Variants in IGSF21 observed in about 807,000 individuals in gnomAD.
The protein encoded by IGSF21 is immunoglobulin superfamily member 21.
In IGSF21, 28 loss-of-function variants were observed where a neutral mutation model predicts 46.8. That is an observed-to-expected ratio of 0.60 (90% CI 0.44 to 0.82). IGSF21 has a LOEUF of 0.82. Ranked by LOEUF, IGSF21 falls within the 40% of genes least tolerant of loss-of-function variation. The pLI is 0.00. For missense variants in IGSF21, 624 were observed against 665.5 expected, an observed-to-expected ratio of 0.94 and a Z score of 0.69; for synonymous variants, 284 against 273.6, an observed-to-expected ratio of 1.04 and a Z score of -0.38.
intron 4 of IGSF21, among the ~76,000 whole-genome samples, chr1:18,339,440 A>G (rs2085805508): frequency 6.6e-6 from 1 of 152,164 alleles, no homozygotes; most frequent in Admixed American, 6.5e-5. Flanking sequence ...GTGGCTCAAA[A>G]ACTCCGATGG....
intron 1 of IGSF21, among the ~76,000 whole-genome samples, chr1:18,119,203 A>G (rs980792344): frequency 2.0e-5 from 3 of 151,534 alleles, no homozygotes; most frequent in African/African-American, 7.3e-5. Flanking sequence ...TATTTATTGG[A>G]TGTTTCCTGG....
intron 1 of IGSF21, among the ~76,000 whole-genome samples, chr1:18,202,485 A>T (rs1213211720): frequency 6.6e-6 from 1 of 152,234 alleles, no homozygotes; most frequent in Non-Finnish European, 1.5e-5. Flanking sequence ...ATTGACTCAC[A>T]GTTCCTCATG....
At chr1:18,269,403 CTTG>C (rs1410881942) in intron 2 of IGSF21, among the ~76,000 whole-genome samples, 1 of 152,078 alleles carries the variant, frequency 6.6e-6, no homozygotes, top group Non-Finnish European at 1.5e-5. Flanking sequence ...TTGGGGAGGA[CTTG>C]TTGGAGGAGG....
chr1:18,320,306 C>A (rs1332319904), intron 3 of IGSF21, among the ~76,000 whole-genome samples: 5 of 151,576 alleles, frequency 3.3e-5, no homozygotes, highest in Admixed American at 1.3e-4. Flanking sequence ...CCTGGCCTGA[C>A]CTTCCCCGCC....
rs1278112594 is a variant in IGSF21 at position 18,276,379 on chromosome 1, A to C, written c.184-15487A>C. 2.6e-5 allele frequency among the ~76,000 whole-genome samples: 4 copies of C among 152,146 alleles called. No individual in the cohort carries two copies. In the East Asian group the frequency reaches 7.7e-4, roughly 29 times the overall value. Reference sequence around the variant, plus strand: ...TCCTTCTCCAGGTGGCCTCTCTAGCACCACAATGGGATGTCTTAAGCAGCA... The same window carrying C: ...TCCTTCTCCAGGTGGCCTCTCTAGCCCCACAATGGGATGTCTTAAGCAGCA... On this transcript the variant is annotated intron_variant, in intron 2 of 9. Transcript: ENST00000251296.
At chr1:18,375,222 A>G (rs772816447) in intron 6 of IGSF21, among the ~76,000 whole-genome samples, 1 of 152,202 alleles carries the variant, frequency 6.6e-6, no homozygotes. Context: ...TGGGAGCTCC[A>G]TGTCAGCAGG....
chr1:18,252,021 G>A (rs1026096427), intron 2 of IGSF21, among the ~76,000 whole-genome samples: 2 of 148,262 alleles, frequency 1.3e-5, no homozygotes, highest in South Asian at 4.3e-4. Flanking sequence ...AGGTCAATAG[G>A]CTGGAACACT....
intron 1 of IGSF21, among the ~76,000 whole-genome samples, chr1:18,215,812 C>T (rs957566145): frequency 2.6e-5 from 4 of 152,126 alleles, no homozygotes; most frequent in African/African-American, 9.7e-5. Context: ...AATTTGGATG[C>T]AGGCCAGGAC....
rs765108131 is a variant in IGSF21 at position 18,335,027 on chromosome 1, T to C, written c.424+17T>C. 2.5e-6 allele frequency: 4 copies of C among 1,575,052 alleles called. No individual in the cohort carries two copies. Among genetic ancestry groups the C allele is most frequent in the Non-Finnish European group, 3.5e-6 (4 of 1,144,420 alleles). Reference sequence around the variant, plus strand: ...ACGTCATGGGTGAGTGCAGGGCCACTGGCCCCTGGTGTCTCAGTGAGGAGG... The same window carrying C: ...ACGTCATGGGTGAGTGCAGGGCCACCGGCCCCTGGTGTCTCAGTGAGGAGG... On this transcript the variant is annotated intron_variant, in intron 4 of 9. Transcript: ENST00000251296. The surrounding 1 kb of genome is among the most constrained non-coding windows in gnomAD (Gnocchi z 4.8).
intron 3 of IGSF21, among the ~76,000 whole-genome samples, chr1:18,300,508 A>C (rs915752303): frequency 3.9e-5 from 6 of 152,368 alleles, no homozygotes; most frequent in African/African-American, 9.6e-5. Flanking sequence ...CTAAGAGTCC[A>C]TTCCCTGAGG....
intron 1 of IGSF21, among the ~76,000 whole-genome samples, chr1:18,168,774 A>G (rs957291742): frequency 1.3e-5 from 2 of 152,228 alleles, no homozygotes; most frequent in Non-Finnish European, 2.9e-5. Flanking sequence ...TTGCTCATTT[A>G]TAGCTGGAGA....
intron 1 of IGSF21, among the ~76,000 whole-genome samples, chr1:18,225,809 T>A (rs1474936966): frequency 6.6e-6 from 1 of 152,162 alleles, no homozygotes; most frequent in Admixed American, 6.5e-5. Flanking sequence ...GCTGCAGATG[T>A]ACAGTGTTTG....
chr1:18,297,718 A>G (rs2085325034), intron 3 of IGSF21, among the ~76,000 whole-genome samples: 1 of 152,212 alleles, frequency 6.6e-6, no homozygotes, highest in African/African-American at 2.4e-5. Context: ...CCTTTAAAGC[A>G]TCTCTAGATT....
At chr1:18,241,328 C>T (rs1327732048) in intron 2 of IGSF21, among the ~76,000 whole-genome samples, 1 of 152,236 alleles carries the variant, frequency 6.6e-6, no homozygotes, top group Non-Finnish European at 1.5e-5. Flanking sequence ...GCCTGCCCCT[C>T]GAGGCTCCTC....
chr1:18,173,295 A>G (rs572632211), intron 1 of IGSF21, among the ~76,000 whole-genome samples: 1 of 152,334 alleles, frequency 6.6e-6, no homozygotes, highest in African/African-American at 2.4e-5. Context: ...TCAAAAACAC[A>G]AAACAACAAC....
intron 2 of IGSF21, among the ~76,000 whole-genome samples, chr1:18,269,533 C>T (rs2085023001): frequency 1.3e-5 from 2 of 152,180 alleles, no homozygotes; most frequent in Admixed American, 1.3e-4. Context: ...CCCAGAAGTT[C>T]TCTAAAGTCC....
chr1:18,189,329 T>A (rs1349260377), intron 1 of IGSF21, among the ~76,000 whole-genome samples: 1 of 152,210 alleles, frequency 6.6e-6, no homozygotes, highest in Non-Finnish European at 1.5e-5. Context: ...TTAGTAATCA[T>A]GTGAGCTGGA....
At chr1:18,270,839 C>T (rs917751127) in intron 2 of IGSF21, among the ~76,000 whole-genome samples, 1 of 152,222 alleles carries the variant, frequency 6.6e-6, no homozygotes, top group East Asian at 1.9e-4. Flanking sequence ...ACTCTCCTCC[C>T]TACGAGCCAG....
intron 2 of IGSF21, among the ~76,000 whole-genome samples, chr1:18,244,322 T>C (rs1380549506): frequency 6.6e-6 from 1 of 152,214 alleles, no homozygotes; most frequent in African/African-American, 2.4e-5. Flanking sequence ...AGAGCTGACT[T>C]TGGAATTCAC....
Sources: allele counts gnomAD v4.1 joint callset (sites outside exome capture counted in the v4.1 genomes callset), GRCh38; gene constraint gnomAD v4.1.1; non-coding constraint Gnocchi (gnomAD v3.1); transcripts MANE v1.5; gene names NCBI Gene and HGNC (gene_info 2026-07-23, HGNC 2026-07-21).